GABRB2: variants seen among roughly 807,000 people sequenced by gnomAD.
GABRB2 encodes gamma-aminobutyric acid type A receptor subunit beta2, also known as gamma-aminobutyric acid receptor subunit beta-2.
In GABRB2, 16 loss-of-function variants were observed where a neutral mutation model predicts 54.7. The ratio of observed to expected loss-of-function variants is 0.29; its 90% CI spans 0.20 to 0.44. GABRB2 has a LOEUF of 0.44. Ranked by LOEUF, GABRB2 falls within the 20% of genes least tolerant of loss-of-function variation. The pLI, the probability that GABRB2 is intolerant of heterozygous loss-of-function variation, is 1.00. For synonymous variants in GABRB2, 244 were observed against 233.8 expected (o/e 1.04, Z -0.40); for missense variants, 355 against 644.0 (o/e 0.55, Z 4.86).
chr5:161,390,759 T>C (rs1755796270), intron 5 of GABRB2, among the ~76,000 whole-genome samples: 1 of 152,134 alleles, frequency 6.6e-6, no homozygotes, highest in South Asian at 2.1e-4. Flanking sequence ...CTGGCCTTTG[T>C]TACTAGTCTC....
chr5:161,338,746 A>C (rs989729293), intron 5 of GABRB2, among the ~76,000 whole-genome samples: 6 of 152,146 alleles, frequency 3.9e-5, no homozygotes, highest in African/African-American at 1.4e-4. Context: ...TGATGGCACC[A>C]CTGCACTCCA....
At chr5:161,372,783 T>C (rs76805041) in intron 5 of GABRB2, among the ~76,000 whole-genome samples, 1,967 of 152,258 alleles carry the variant, frequency 0.013, 22 homozygotes, top group Middle Eastern at 0.034. Flanking sequence ...TTTTTACAGA[T>C]AAAGCAATTA....
intron 3 of GABRB2, among the ~76,000 whole-genome samples, chr5:161,463,315 C>G (rs951426529): frequency 1.7e-5 from 2 of 117,480 alleles, no homozygotes; most frequent in African/African-American, 8.2e-5. Flanking sequence ...TGTACACACA[C>G]ACCACACACA....
chr5:161,366,422 A>G (rs889776033), intron 5 of GABRB2, among the ~76,000 whole-genome samples: 1 of 152,142 alleles, frequency 6.6e-6, no homozygotes, highest in Non-Finnish European at 1.5e-5. Flanking sequence ...GTAAATGTGC[A>G]CAAAGGACTA....
chr5:161,398,777 C>T (rs1756085429), intron 5 of GABRB2, among the ~76,000 whole-genome samples: 1 of 152,102 alleles, frequency 6.6e-6, no homozygotes, highest in Admixed American at 6.5e-5. Context: ...GCAACCTCTG[C>T]CACCCCGGTT....
chr5:161,380,327 T>G (rs545148862), intron 5 of GABRB2, among the ~76,000 whole-genome samples: 90 of 152,290 alleles, frequency 5.9e-4, no homozygotes, highest in African/African-American at 2.1e-3. Flanking sequence ...GTGTGAATTG[T>G]CACCTAGGCC....
intron 3 of GABRB2, among the ~76,000 whole-genome samples, chr5:161,543,848 T>C (rs1760890283): frequency 6.6e-6 from 1 of 152,194 alleles, no homozygotes; most frequent in African/African-American, 2.4e-5. Context: ...AAATTTTTGG[T>C]TCTGAAACAT....
At chr5:161,472,571 G>A (rs1311718248) in intron 3 of GABRB2, among the ~76,000 whole-genome samples, 2 of 151,810 alleles carry the variant, frequency 1.3e-5, no homozygotes, top group East Asian at 3.9e-4. Flanking sequence ...TGTGTGATTT[G>A]AACTCTGAAG....
intron 4 of GABRB2, among the ~76,000 whole-genome samples, chr5:161,440,792 T>G (rs1430803564): frequency 1.3e-5 from 2 of 152,082 alleles, no homozygotes; most frequent in Non-Finnish European, 2.9e-5. Context: ...TGGAGCAGAA[T>G]AGAGGCCCCC....
At chr5:161,390,180 C>G (rs1755776927) in intron 5 of GABRB2, among the ~76,000 whole-genome samples, 2 of 151,994 alleles carry the variant, frequency 1.3e-5, no homozygotes, top group African/African-American at 2.4e-5. Context: ...ATGTAAATAT[C>G]TCAGTGTAGC....
intron 4 of GABRB2, among the ~76,000 whole-genome samples, chr5:161,449,773 G>A (rs1757739848): frequency 6.6e-6 from 1 of 150,908 alleles, no homozygotes; most frequent in Admixed American, 6.6e-5. Flanking sequence ...TATAAATGAA[G>A]ATACACACAC....
intron 4 of GABRB2, among the ~76,000 whole-genome samples, chr5:161,441,430 C>T (rs1421269779): frequency 5.9e-5 from 9 of 152,104 alleles, no homozygotes; most frequent in African/African-American, 2.2e-4. Flanking sequence ...GTTAAAATGG[C>T]TTATATCCAA....
chr5:161,474,211 T>C (rs1758528948), intron 3 of GABRB2, among the ~76,000 whole-genome samples: 1 of 152,000 alleles, frequency 6.6e-6, no homozygotes, highest in African/African-American at 2.4e-5. Flanking sequence ...GATTGGTCTA[T>C]AGCTTTTGAG....
intron 5 of GABRB2, among the ~76,000 whole-genome samples, chr5:161,357,765 T>C (rs1029291242): frequency 2.0e-5 from 3 of 152,080 alleles, no homozygotes; most frequent in African/African-American, 7.2e-5. Flanking sequence ...TTCAAAATAT[T>C]ACAAGTGGGA....
chr5:161,376,485 C>T (rs112352095), intron 5 of GABRB2, among the ~76,000 whole-genome samples: 3,651 of 151,908 alleles, frequency 0.024, 145 homozygotes, highest in African/African-American at 0.082. Flanking sequence ...TGCCTTTTTC[C>T]TAAGTTGAGG....
At chr5:161,439,833 G>A (rs916595238) in intron 4 of GABRB2, among the ~76,000 whole-genome samples, 50 of 151,938 alleles carry the variant, frequency 3.3e-4, no homozygotes, top group African/African-American at 1.2e-3. Context: ...TGGGGGTAGG[G>A]GGAGGGAGGG....
Position 161,293,341 on chromosome 5 carries a change from C to CTG in GABRB2, c.*738_*739dup, listed in dbSNP as rs1757286535. 6.6e-6 allele frequency: 1 copy of CTG among 152,232 alleles called. No homozygotes were observed. Among genetic ancestry groups the CTG allele is most frequent in the Non-Finnish European group, 1.5e-5 (1 of 68,096 alleles). The allele number at this position is 152,232 out of a possible 1,614,324, so 9.4% of individuals were successfully genotyped here. The stretch of plus-strand genomic sequence containing the variant: ...GTCGTTTCTGATTTTCTACTCTGCT[C>CTG]TGTGTTGTTAACTCTTACTTTAACC... On this transcript the variant is annotated 3_prime_UTR_variant, in exon 10 of 10. Transcript: ENST00000393959.
At chr5:161,395,715 A>C (rs2113058407) in intron 5 of GABRB2, among the ~76,000 whole-genome samples, 1 of 152,192 alleles carries the variant, frequency 6.6e-6, no homozygotes, top group Non-Finnish European at 1.5e-5. Context: ...ACTGTAGGCA[A>C]AGAGAAGAGT....
intron 9 of GABRB2, among the ~76,000 whole-genome samples, chr5:161,304,411 C>A (rs1187440796): frequency 6.6e-6 from 1 of 152,184 alleles, no homozygotes; most frequent in East Asian, 1.9e-4. Flanking sequence ...TGGCAAAAAT[C>A]CCATAGTCTT....
Sources: gnomAD v4.1 joint callset for allele counts (sites outside exome capture counted in the v4.1 genomes callset) on GRCh38, gnomAD v4.1.1 for gene constraint, MANE v1.5 for transcripts, NCBI Gene and HGNC (gene_info 2026-07-23, HGNC 2026-07-21) for gene names.